ACACA: variants seen among roughly 807,000 people sequenced by gnomAD.
ACACA encodes acetyl-CoA carboxylase alpha, also known as acetyl-CoA carboxylase 1.
ACACA carries 103 observed loss-of-function variants against 296.1 expected under a neutral mutation model. The observed-to-expected ratio is 0.35, with a 90% CI of 0.30 to 0.41. The LOEUF (loss-of-function observed/expected upper bound fraction) is 0.41. ACACA is among the 10% of genes least tolerant of loss of function. ACACA has a pLI of 1.00. For synonymous variants in ACACA, 953 were observed against 1,038.6 expected (o/e 0.92, Z 1.58); for missense variants, 1,554 against 2,989.7 (o/e 0.52, Z 11.20).
chr17:37,192,035 C>A, intron 37 of ACACA, 55 bp downstream of exon 37: 2 of 1,535,886 alleles, frequency 1.3e-6, no homozygotes, highest in Non-Finnish European at 1.8e-6. Flanking sequence ...TGAATCATAT[C>A]TATTATTCTG....
At position 37,223,577 on chromosome 17, in the gene ACACA, T is replaced by C. The variant is rs1652660244; in HGVS notation, c.3499A>G (p.Ile1167Val). Residue 1167 changes from isoleucine to valine, a missense_variant, in exon 28 of 56, where the codon ATT becomes GTT. Physicochemically the swap from Ile to Val is conservative, Grantham distance 29. Transcript: ENST00000616317. ...AAGAAGTTTGGTAGGACATCAAAAA[T>C]AGATGTTTCTGATAGGATGAGTTTC... ...LQKLILSETSIFDVLPNFFYH... is the reference protein window; with the variant it reads ...LQKLILSETSVFDVLPNFFYH... 6.2e-7 allele frequency: 1 copy of C among 1,610,628 alleles called. No homozygotes were observed. The highest frequency in any genetic ancestry group is 1.7e-5 in the Admixed American group (1 of 59,996).
At chr17:37,099,635 G>GGGAGGGCTGATGGGA (rs1188554067) in intron 52 of ACACA, among the ~76,000 whole-genome samples, 1 of 129,480 alleles carries the variant, frequency 7.7e-6, no homozygotes, top group African/African-American at 3.0e-5. Context: ...GGCTGATGGA[G>GGGAGGGCTGATGGGA]GGAGGGCTGA....
At chr17:37,255,203 C>G (rs1392191556) in intron 14 of ACACA, among the ~76,000 whole-genome samples, 1 of 152,062 alleles carries the variant, frequency 6.6e-6, no homozygotes. Context: ...CCAACGTTTA[C>G]TGAATGCTTA....
At chr17:37,093,494 T>C (rs899256985) in intron 54 of ACACA, among the ~76,000 whole-genome samples, 3 of 152,170 alleles carry the variant, frequency 2.0e-5, no homozygotes, top group Non-Finnish European at 4.4e-5. Flanking sequence ...CCAGACATTG[T>C]GTTCCATACT....
chr17:37,150,599 T>TA (rs2144119594), intron 44 of ACACA, among the ~76,000 whole-genome samples: 1 of 150,516 alleles, frequency 6.6e-6, no homozygotes, highest in Non-Finnish European at 1.5e-5. Flanking sequence ...ACAAAAAAGT[T>TA]AAAAATTAGT....
At chr17:37,343,051 C>T (rs1412556722) in intron 1 of ACACA, among the ~76,000 whole-genome samples, 2 of 152,138 alleles carry the variant, frequency 1.3e-5, no homozygotes, top group African/African-American at 4.8e-5. Flanking sequence ...GATCTCAGCT[C>T]AATGCAACCT....
chr17:37,214,300 C>T (rs571713949), intron 29 of ACACA, among the ~76,000 whole-genome samples: 2 of 152,300 alleles, frequency 1.3e-5, no homozygotes, highest in African/African-American at 4.8e-5. Context: ...TCCCCCACCA[C>T]CTCCTTGCAG....
intron 3 of ACACA, among the ~76,000 whole-genome samples, chr17:37,314,397 C>A (rs894841594): frequency 6.6e-6 from 1 of 152,090 alleles, no homozygotes; most frequent in African/African-American, 2.4e-5. Flanking sequence ...CTGCGCCCGA[C>A]CACTCTACTA....
chr17:37,319,628 C>G (rs2047251221), intron 3 of ACACA, among the ~76,000 whole-genome samples: 1 of 151,934 alleles, frequency 6.6e-6, no homozygotes, highest in African/African-American at 2.4e-5. Context: ...TTCAAGACCA[C>G]CCTGGGCAAC....
At chr17:37,122,440 T>A in intron 49 of ACACA, 91 bp downstream of exon 49, 1 of 1,051,490 alleles carries the variant, frequency 9.5e-7, no homozygotes, top group Non-Finnish European at 1.5e-6. Context: ...CCTCTAAAAC[T>A]GATGGTTTGC....
At chr17:37,222,304 C>CT (rs2079332984) in intron 28 of ACACA, among the ~76,000 whole-genome samples, 1 of 152,136 alleles carries the variant, frequency 6.6e-6, no homozygotes. Flanking sequence ...TATCTCATGT[C>CT]TTTGTCTTGC....
Position 37,142,034 on chromosome 17 carries a change from G to C in ACACA, c.5679+7830C>G, listed in dbSNP as rs112963913. On this transcript the variant is annotated intron_variant, in intron 45 of 55. Transcript: ENST00000616317. ...TTTGTTTTTTTTTTTTTAATCTAAAGGTTCTGTAACTCCAAAAAATTTGAG... is the reference window on the plus strand; with the variant it reads ...TTTGTTTTTTTTTTTTTAATCTAAACGTTCTGTAACTCCAAAAAATTTGAG... Among the ~76,000 whole-genome samples, 373 of 149,970 alleles carry C rather than the reference G, an allele frequency of 2.5e-3. 3 individuals are homozygous for C. The highest frequency in any genetic ancestry group is 8.2e-3 in the African/African-American group (335 of 40,690).
intron 32 of ACACA, 105 bp downstream of exon 32, chr17:37,206,678 A>G: frequency 5.3e-6 from 5 of 943,120 alleles, no homozygotes; most frequent in Non-Finnish European, 8.3e-6. Context: ...AGTGGGGTAA[A>G]AGGATGAATT....
chr17:37,223,184 C>T (rs905621967), intron 28 of ACACA, among the ~76,000 whole-genome samples: 2 of 152,276 alleles, frequency 1.3e-5, no homozygotes, highest in Admixed American at 1.3e-4. Context: ...ATGCTCTGAT[C>T]AGCCATATAT....
chr17:37,370,881 G>A (rs1432223561), intron 1 of ACACA, among the ~76,000 whole-genome samples: 1 of 151,218 alleles, frequency 6.6e-6, no homozygotes, highest in East Asian at 2.0e-4. Flanking sequence ...CTGCTTGGAA[G>A]GCTGAGGCAG....
At chr17:37,339,242 G>A (rs948918311) in intron 2 of ACACA, among the ~76,000 whole-genome samples, 2 of 152,212 alleles carry the variant, frequency 1.3e-5, no homozygotes, top group African/African-American at 4.8e-5. Context: ...CTTGCAGTCT[G>A]ACTGAAGTTA....
chr17:37,140,101 T>C (rs1214288061), intron 45 of ACACA, among the ~76,000 whole-genome samples: 1 of 152,190 alleles, frequency 6.6e-6, no homozygotes, highest in East Asian at 1.9e-4. Flanking sequence ...TCCCATTCAG[T>C]TGAATTTTTC....
chr17:37,162,579 G>GC (rs2076503944), intron 41 of ACACA: 1 of 257,580 alleles, frequency 3.9e-6, no homozygotes. Context: ...AAAGAGTGTG[G>GC]CCTCTTGTGG....
intron 6 of ACACA, among the ~76,000 whole-genome samples, chr17:37,277,493 A>C (rs1598385118): frequency 1.3e-5 from 2 of 152,338 alleles, no homozygotes; most frequent in South Asian, 4.1e-4. Flanking sequence ...CTGCCATCTA[A>C]GTTTAGAGTT....
Sources: gnomAD v4.1 joint callset for allele counts (sites outside exome capture counted in the v4.1 genomes callset) on GRCh38, gnomAD v4.1.1 for gene constraint, MANE v1.5 for transcripts, NCBI Gene and HGNC (gene_info 2026-07-23, HGNC 2026-07-21) for gene names.